The following IPO9 variants were observed in gnomAD, a reference collection of about 807,000 sequenced individuals.
The protein encoded by IPO9 is importin-9.
Under a neutral mutation model 128.6 loss-of-function variants are expected in IPO9, and 28 were observed. The ratio of observed to expected loss-of-function variants is 0.22; its 90% CI spans 0.16 to 0.30. The LOEUF (loss-of-function observed/expected upper bound fraction) is 0.30, where lower values mean the gene tolerates loss of function less well. Ranked by LOEUF, IPO9 falls within the 10% of genes least tolerant of loss-of-function variation. The pLI is 1.00. For synonymous variants in IPO9, 455 were observed against 475.8 expected (o/e 0.96, Z 0.57); for missense variants, 935 against 1,293.9 (o/e 0.72, Z 4.26).
At chr1:201,832,637 TG>T (rs1209543726) in intron 1 of IPO9, among the ~76,000 whole-genome samples, 4 of 152,228 alleles carry the variant, frequency 2.6e-5, no homozygotes, top group Admixed American at 6.5e-5. Flanking sequence ...GGTAATCTTT[TG>T]ATCATTTTTT....
chr1:201,853,571 G>A (rs1680265478), intron 6 of IPO9, among the ~76,000 whole-genome samples: 1 of 151,162 alleles, frequency 6.6e-6, no homozygotes, highest in Non-Finnish European at 1.5e-5. Context: ...TTTTTTTTGA[G>A]ACAAGATCTT....
chr1:201,869,543 C>T (rs760813741), intron 16 of IPO9, 47 bp from the exon 17 acceptor site: 1 of 1,604,330 alleles, frequency 6.2e-7, no homozygotes, highest in Non-Finnish European at 8.5e-7. Flanking sequence ...TTGGGCAACC[C>T]CCACCCCAGA....
intron 15 of IPO9, among the ~76,000 whole-genome samples, chr1:201,867,326 TAAAG>T (rs1482523353): frequency 6.6e-6 from 1 of 152,046 alleles, no homozygotes; most frequent in Non-Finnish European, 1.5e-5. Context: ...AAGGAGATAC[TAAAG>T]AAAGATATAT....
In IPO9 at chr1:201,853,232, AATT is replaced by A. The variant is rs2102877614; in HGVS notation, c.690+139_690+141del. 9 of 720,502 alleles carry A rather than the reference AATT, an allele frequency of 1.2e-5. No homozygotes were observed. The South Asian group carries it at 1.4e-4, about 11-fold the overall frequency. The allele number at this position is 720,502 out of a possible 1,614,324, so 44.6% of individuals were successfully genotyped here. ...AGAGATAGATTTAACATTTTTATTA[AATT>A]ATTGTTGTTATTTTTCCAGACAGGG... On this transcript the variant is annotated intron_variant, in intron 6 of 23. Transcript: ENST00000361565.
intron 4 of IPO9, among the ~76,000 whole-genome samples, chr1:201,848,918 T>C (rs1680168079): frequency 1.3e-5 from 2 of 152,214 alleles, no homozygotes; most frequent in African/African-American, 4.8e-5. Context: ...TTTCCTTTTA[T>C]ATAAAATTAA....
intron 11 of IPO9, among the ~76,000 whole-genome samples, chr1:201,858,039 A>G (rs1386630620): frequency 1.3e-5 from 2 of 152,206 alleles, no homozygotes; most frequent in African/African-American, 4.8e-5. Flanking sequence ...TTGATGAATC[A>G]CTTCTCATTA....
Position 201,844,340 on chromosome 1 carries a change from T to C in IPO9, c.164-2939T>C, listed in dbSNP as rs141759606. Among the ~76,000 whole-genome samples the C allele has an allele frequency of 5.5e-3, 845 of 152,290 alleles. 4 individuals are homozygous for C. The highest frequency in any genetic ancestry group is 0.018 in the African/African-American group (738 of 41,554). On this transcript the variant is annotated intron_variant, in intron 1 of 23. Coordinates refer to ENST00000361565, the MANE Select transcript of IPO9 (RefSeq NM_018085.5). ...CTCAATCTAAAACATGAGGAAACTT[T>C]AGTCAAACCCAAATTGAGACACGTT...
At chr1:201,851,435 C>G (rs1680215339) in intron 4 of IPO9, among the ~76,000 whole-genome samples, 1 of 151,460 alleles carries the variant, frequency 6.6e-6, no homozygotes. Context: ...TTTGTGCTGT[C>G]TCAGTGCCTT....
intron 13 of IPO9, among the ~76,000 whole-genome samples, chr1:201,859,673 AAGT>A (rs1328723429): frequency 6.6e-6 from 1 of 152,140 alleles, no homozygotes; most frequent in East Asian, 1.9e-4. Context: ...AAAAAGAAAA[AAGT>A]AGGCCAGGCG....
chr1:201,858,423 T>G, intron 11 of IPO9, 24 bp from the exon 12 acceptor site: 1 of 1,365,252 alleles, frequency 7.3e-7, no homozygotes, highest in Non-Finnish European at 1.0e-6. Flanking sequence ...ACAAACAGAT[T>G]TATTAGCTCT....
chr1:201,853,033 C>T lies in IPO9; in HGVS notation c.626C>T (p.Ser209Phe), dbSNP rs546528389. 2.5e-6 allele frequency: 4 copies of T among 1,614,088 alleles called. No individual in the cohort carries two copies. The highest frequency in any genetic ancestry group is 2.5e-6 in the Non-Finnish European group (3 of 1,180,000). Residue 209 changes from serine to phenylalanine, a missense_variant, in exon 6 of 24, where the codon TCC becomes TTC. Transcript: ENST00000361565. ...CAGGTGTATGGTATTCGAACCCGTT[C>T]CCGAGCCGTGGAGATTTTTACCACT... is the stretch of plus-strand genomic sequence containing the variant. ...MAEVYGIRTR[S>F]RAVEIFTTCA... is the part of the protein sequence containing the mutation.
chr1:201,851,046 C>T (rs1389711797), intron 4 of IPO9, among the ~76,000 whole-genome samples: 1 of 152,092 alleles, frequency 6.6e-6, no homozygotes, highest in African/African-American at 2.4e-5. Flanking sequence ...GACATGGTCT[C>T]ACTCTGTCAC....
chr1:201,866,757 A>G lies in IPO9; in HGVS notation c.1653A>G (p.Ser551=), dbSNP rs1367763687. The part of the protein sequence containing the change: ...IWGYCDQLKV[S]ESTHVLQPFL... ...GTTATTGTGACCAACTGAAAGTCTCAGAGAGTACCCACGTGCTCCAGCCCT... is the reference window on the plus strand; with the variant it reads ...GTTATTGTGACCAACTGAAAGTCTCGGAGAGTACCCACGTGCTCCAGCCCT... The change falls in exon 15 of 24, where the codon TCA becomes TCG. Residue 551 remains serine (S), a synonymous_variant. Coordinates refer to ENST00000361565, the MANE Select transcript of IPO9 (RefSeq NM_018085.5). The G allele has an allele frequency of 6.2e-7, 1 of 1,613,924 alleles. No individual in the cohort carries two copies. Among genetic ancestry groups the G allele is most frequent in the Non-Finnish European group, 8.5e-7 (1 of 1,179,956 alleles).
intron 13 of IPO9, among the ~76,000 whole-genome samples, chr1:201,861,572 A>G (rs1680448974): frequency 6.6e-6 from 1 of 152,224 alleles, no homozygotes; most frequent in Admixed American, 6.5e-5. Flanking sequence ...TTTAACTTAC[A>G]GTATTTTCAA....
At chr1:201,837,219 A>G (rs571305440) in intron 1 of IPO9, among the ~76,000 whole-genome samples, 2 of 152,340 alleles carry the variant, frequency 1.3e-5, no homozygotes, top group Non-Finnish European at 2.9e-5. Context: ...GTTACCAGAC[A>G]TGATTAACTT....
chr1:201,847,774 G>A (rs950882003), intron 3 of IPO9, 136 bp downstream of exon 3: 3 of 669,902 alleles, frequency 4.5e-6, no homozygotes, highest in Non-Finnish European at 8.0e-6. Context: ...GGCATTGCGG[G>A]CATAGGGCTA....
At chr1:201,863,949 A>G (rs533939820) in intron 14 of IPO9, among the ~76,000 whole-genome samples, 1 of 152,364 alleles carries the variant, frequency 6.6e-6, no homozygotes, top group African/African-American at 2.4e-5. Context: ...GCAGGATTAG[A>G]GTCCACATCA....
chr1:201,835,905 A>G (rs1247185207), intron 1 of IPO9, among the ~76,000 whole-genome samples: 1 of 152,058 alleles, frequency 6.6e-6, no homozygotes, highest in East Asian at 1.9e-4. Context: ...AGGTCAGGAG[A>G]TCAAGACCAT....
chr1:201,864,911 T>C (rs943820643), intron 14 of IPO9, among the ~76,000 whole-genome samples: 2 of 152,258 alleles, frequency 1.3e-5, no homozygotes, highest in Non-Finnish European at 2.9e-5. Flanking sequence ...GGTAGTGGTT[T>C]AATAGTTTTC....
Sources: allele counts gnomAD v4.1 joint callset (sites outside exome capture counted in the v4.1 genomes callset), GRCh38; gene constraint gnomAD v4.1.1; transcripts MANE v1.5; gene names NCBI Gene and HGNC (gene_info 2026-07-23, HGNC 2026-07-21).